The following GSAP variants were observed in gnomAD, a reference collection of about 807,000 sequenced individuals.
GSAP encodes the protein gamma-secretase-activating protein.
A neutral mutation model predicts 131.7 loss-of-function variants in GSAP; 118 were observed. The observed-to-expected ratio is 0.90, with a 90% CI of 0.77 to 1.04. GSAP has a LOEUF of 1.04. Among genes scored for constraint, GSAP ranks in the 50% least tolerant of loss-of-function variants. GSAP has a pLI of 0.00. For missense variants in GSAP, 1,019 were observed against 1,013.2 expected (o/e 1.01, Z -0.08); for synonymous variants, 381 against 363.4 (o/e 1.05, Z -0.55).
chr7:77,338,593 G>A (rs1584344584), intron 19 of GSAP, among the ~76,000 whole-genome samples: 1 of 152,238 alleles, frequency 6.6e-6, no homozygotes, highest in East Asian at 1.9e-4. Context: ...GTCTGATGAG[G>A]GCCCACTTCC....
At chr7:77,317,336 G>A (rs924970037) in intron 26 of GSAP, among the ~76,000 whole-genome samples, 12 of 147,144 alleles carry the variant, frequency 8.2e-5, no homozygotes, top group African/African-American at 3.0e-4. Flanking sequence ...AGAACACTTG[G>A]ACAAGGGTTG....
At chr7:77,382,349 G>A (rs1023311824) in intron 7 of GSAP, among the ~76,000 whole-genome samples, 1 of 152,152 alleles carries the variant, frequency 6.6e-6, no homozygotes, top group Non-Finnish European at 1.5e-5. Flanking sequence ...GTATGCAAGA[G>A]CCCATCATTC....
At chr7:77,373,751 C>T (rs1050345332) in intron 12 of GSAP, among the ~76,000 whole-genome samples, 10 of 152,280 alleles carry the variant, frequency 6.6e-5, no homozygotes, top group East Asian at 1.9e-4. Flanking sequence ...GCACAGCCAT[C>T]GCTGTTAGTC....
At chr7:77,330,589 T>TG in intron 19 of GSAP, 4 of 1,098,826 alleles carry the variant, frequency 3.6e-6, no homozygotes, top group Non-Finnish European at 4.4e-6. Context: ...TTTTTTTTTT[T>TG]TTTTGTCGTT....
At chr7:77,377,812 G>T (rs1797181497) in intron 8 of GSAP, among the ~76,000 whole-genome samples, 1 of 152,198 alleles carries the variant, frequency 6.6e-6, no homozygotes, top group South Asian at 2.1e-4. Context: ...ACTCAGGCCT[G>T]ACAGTGGAAA....
intron 1 of GSAP, among the ~76,000 whole-genome samples, chr7:77,414,844 C>CTATTTTT (rs1803994472): frequency 1.7e-5 from 1 of 59,858 alleles, no homozygotes; most frequent in African/African-American, 7.4e-5. Flanking sequence ...ATGTGGGCGA[C>CTATTTTT]TTTTTTTTTT....
chr7:77,329,295 A>G, intron 21 of GSAP, 38 bp downstream of exon 21: 3 of 1,149,846 alleles, frequency 2.6e-6, no homozygotes, highest in East Asian at 2.6e-5. Flanking sequence ...GTAAATGTCA[A>G]CCATCTTACA....
At chr7:77,386,784 A>G (rs1584662311) in intron 6 of GSAP, among the ~76,000 whole-genome samples, 1 of 152,244 alleles carries the variant, frequency 6.6e-6, no homozygotes, top group East Asian at 1.9e-4. Context: ...GCAGGGCATC[A>G]CCGTGTTCAA....
In GSAP at chr7:77,349,385, A is replaced by G; in HGVS notation, c.1511T>C (p.Leu504Pro). The change falls in exon 19 of 31, where the codon CTT becomes CCT. Residue 504 changes from leucine to proline, a missense_variant. Transcript: ENST00000257626. Reference sequence around the variant, plus strand: ...AGGCAATGCAATGTCTTCTGTCACAAGAGTTATTCCAGGAATTTCCTATAG... The same window carrying G: ...AGGCAATGCAATGTCTTCTGTCACAGGAGTTATTCCAGGAATTTCCTATAG... ...TWNTEIPGIT[L>P]VTEDIALPLM... 1 of 1,613,240 alleles carries G rather than the reference A, an allele frequency of 6.2e-7. No individual in the cohort carries two copies.
At chr7:77,370,460 C>A (rs1186185517) in intron 12 of GSAP, among the ~76,000 whole-genome samples, 1 of 152,004 alleles carries the variant, frequency 6.6e-6, no homozygotes, top group African/African-American at 2.4e-5. Flanking sequence ...AGCAGGACTC[C>A]ATCTCATTCA....
At chr7:77,370,865 T>A (rs1441164178) in intron 12 of GSAP, among the ~76,000 whole-genome samples, 1 of 152,160 alleles carries the variant, frequency 6.6e-6, no homozygotes, top group Non-Finnish European at 1.5e-5. Context: ...ATTCAGTCAT[T>A]TCTTTGTGAA....
Position 77,340,439 on chromosome 7 carries a change from C to T in GSAP, c.1545+8912G>A, listed in dbSNP as rs539110642. 3.3e-5 allele frequency among the ~76,000 whole-genome samples: 5 copies of T among 152,296 alleles called. No individual in the cohort carries two copies. In the South Asian group the frequency reaches 6.2e-4, roughly 19 times the overall value. ...GGTCCCCTGTGCTTGCCCTCACTTC[C>T]GTGAGGAGATCTGCCTACAACCTTG... is the stretch of plus-strand genomic sequence containing the variant. On this transcript the variant is annotated intron_variant, in intron 19 of 30. Transcript: ENST00000257626.
intron 26 of GSAP, among the ~76,000 whole-genome samples, chr7:77,320,076 C>T (rs7779884): frequency 3.3e-5 from 5 of 151,946 alleles, no homozygotes; most frequent in Non-Finnish European, 2.9e-5. Context: ...GAGCACAAGA[C>T]AGTTTATAGC....
chr7:77,367,624 G>A (rs1004600769), intron 12 of GSAP, among the ~76,000 whole-genome samples: 1 of 152,104 alleles, frequency 6.6e-6, no homozygotes, highest in Non-Finnish European at 1.5e-5. Flanking sequence ...GATGATTTTT[G>A]CATCAGCGTT....
chr7:77,368,614 A>G (rs1007170677), intron 12 of GSAP, among the ~76,000 whole-genome samples: 5 of 152,194 alleles, frequency 3.3e-5, no homozygotes, highest in African/African-American at 1.2e-4. Flanking sequence ...ACCCAGATTG[A>G]GAACCACTTT....
intron 11 of GSAP, 110 bp downstream of exon 11, chr7:77,374,948 C>T (rs750160524): frequency 3.7e-6 from 2 of 543,238 alleles, no homozygotes; most frequent in African/African-American, 2.0e-5. Flanking sequence ...AAAAGATGCA[C>T]ACAGAATATC....
intron 19 of GSAP, among the ~76,000 whole-genome samples, chr7:77,341,813 T>C (rs1172866877): frequency 6.6e-6 from 1 of 151,800 alleles, no homozygotes; most frequent in Non-Finnish European, 1.5e-5. Context: ...AATAATAGAG[T>C]AGAGGCAGCC....
rs373974300 is a variant in GSAP at position 77,312,117 on chromosome 7, T to C, written c.2357A>G (p.Gln786Arg). 3.7e-5 allele frequency: 59 copies of C among 1,595,888 alleles called. No homozygotes were observed. The African/African-American group carries it at 7.3e-4, about 20-fold the overall frequency. Residue 786 changes from glutamine (Q) to arginine (R), a missense_variant, in exon 29 of 31, where the codon CAG becomes CGG. Gln to Arg is a conservative substitution (Grantham distance 43). Coordinates refer to ENST00000257626, the MANE Select transcript of GSAP (RefSeq NM_017439.4). ...GAAACTCACCTGTTTCTTATAGTTC[T>C]GAAGCAGTCGCGTCACGTGGTTCCG... is the stretch of plus-strand genomic sequence containing the variant. ...ISRNHVTRLL[Q>R]NYKKQPRNSM...
chr7:77,339,699 A>T (rs1300766429), intron 19 of GSAP, among the ~76,000 whole-genome samples: 1 of 148,926 alleles, frequency 6.7e-6, no homozygotes, highest in African/African-American at 2.5e-5. Context: ...GGAGGACATA[A>T]AATACTCCAT....
Sources: gnomAD v4.1 joint callset for allele counts (sites outside exome capture counted in the v4.1 genomes callset) on GRCh38, gnomAD v4.1.1 for gene constraint, MANE v1.5 for transcripts, NCBI Gene and HGNC (gene_info 2026-07-23, HGNC 2026-07-21) for gene names.